TLN2: variants seen among roughly 807,000 people sequenced by gnomAD.
TLN2 encodes the protein talin-2.
A neutral mutation model predicts 294.7 loss-of-function variants in TLN2; 118 were observed. That is an observed-to-expected ratio of 0.40 (90% CI 0.34 to 0.47). TLN2 has a LOEUF of 0.47. Ranked by LOEUF, TLN2 falls within the 20% of genes least tolerant of loss-of-function variation. TLN2 has a pLI of 0.84. For missense variants in TLN2, 3,083 were observed against 3,282.2 expected (o/e 0.94, Z 1.48); for synonymous variants, 1,431 against 1,304.5 (o/e 1.10, Z -2.09).
chr15:62,540,356 CTTT>C (rs11071674), intron 1 of TLN2, among the ~76,000 whole-genome samples: 1 of 138,244 alleles, frequency 7.2e-6, no homozygotes, highest in Non-Finnish European at 1.5e-5. Flanking sequence ...AATAAATAAA[CTTT>C]TTTTTTTTTT....
chr15:62,463,113 T>G (rs1415225312), intron 1 of TLN2, among the ~76,000 whole-genome samples: 2 of 152,196 alleles, frequency 1.3e-5, no homozygotes, highest in Non-Finnish European at 2.9e-5. Flanking sequence ...TGGATGTTTT[T>G]CTAGTGTATA....
At chr15:62,748,708 A>G (rs2061752797) in intron 33 of TLN2, among the ~76,000 whole-genome samples, 1 of 152,166 alleles carries the variant, frequency 6.6e-6, no homozygotes, top group South Asian at 2.1e-4. Context: ...TATTTTGTTA[A>G]AGGATTCTTT....
chr15:62,636,248 TAATA>T (rs2050368453), intron 3 of TLN2, among the ~76,000 whole-genome samples: 1 of 84,726 alleles, frequency 1.2e-5, no homozygotes, highest in Non-Finnish European at 2.5e-5. Context: ...AGGGATACTG[TAATA>T]GATAGATAGA....
At chr15:62,678,247 A>T (rs1221122594) in intron 11 of TLN2, among the ~76,000 whole-genome samples, 1 of 152,194 alleles carries the variant, frequency 6.6e-6, no homozygotes, top group Non-Finnish European at 1.5e-5. Context: ...ATTGTTTTTA[A>T]TATAATTTAT....
intron 1 of TLN2, among the ~76,000 whole-genome samples, chr15:62,513,237 G>A (rs1166751477): frequency 6.6e-6 from 1 of 152,096 alleles, no homozygotes; most frequent in African/African-American, 2.4e-5. Flanking sequence ...TGCTTTGCAG[G>A]CCCTTTGCTG....
At chr15:62,790,401 G>A (rs938893705) in intron 45 of TLN2, among the ~76,000 whole-genome samples, 4 of 152,202 alleles carry the variant, frequency 2.6e-5, no homozygotes, top group East Asian at 3.8e-4. Flanking sequence ...CTGATCTACC[G>A]AGTAGAGCAC....
chr15:62,818,922 C>T (rs865884978), intron 52 of TLN2, among the ~76,000 whole-genome samples: 13 of 152,064 alleles, frequency 8.5e-5, no homozygotes, highest in African/African-American at 2.9e-4. Context: ...GTGATGCAAC[C>T]ACTGCTCACT....
chr15:62,501,663 G>T (rs2039315480), intron 1 of TLN2, among the ~76,000 whole-genome samples: 1 of 152,218 alleles, frequency 6.6e-6, no homozygotes, highest in Non-Finnish European at 1.5e-5. Flanking sequence ...CAATTAGAGG[G>T]ACCCATCCAC....
At chr15:62,687,718 A>C (rs2057404303) in intron 12 of TLN2, 1 of 152,204 alleles carries the variant, frequency 6.6e-6, no homozygotes, top group South Asian at 2.1e-4. Context: ...TCAGAAAAAA[A>C]ACTGTGTAAA....
chr15:62,792,619 C>T (rs1268737271), intron 45 of TLN2, 22 bp from the exon 46 acceptor site: 29 of 1,608,596 alleles, frequency 1.8e-5, no homozygotes, highest in South Asian at 3.3e-5. Context: ...TCTCCTTCCC[C>T]ATCCTGGGCT....
intron 2 of TLN2, among the ~76,000 whole-genome samples, chr15:62,595,682 T>C (rs979084053): frequency 2.0e-5 from 3 of 152,144 alleles, no homozygotes; most frequent in African/African-American, 4.8e-5. Context: ...ATTGGATGAA[T>C]AGATAAAGAA....
chr15:62,508,397 A>G (rs867903387), intron 1 of TLN2, among the ~76,000 whole-genome samples: 3 of 152,018 alleles, frequency 2.0e-5, no homozygotes, highest in East Asian at 3.9e-4. Flanking sequence ...TTGTATTTTT[A>G]GTAGAGACGG....
intron 1 of TLN2, among the ~76,000 whole-genome samples, chr15:62,521,516 T>G (rs1454752833): frequency 2.0e-5 from 3 of 152,098 alleles, no homozygotes; most frequent in African/African-American, 7.2e-5. Context: ...GATTTTCTAA[T>G]TGGCAGTTGG....
At chr15:62,512,878 G>A (rs530534090) in intron 1 of TLN2, among the ~76,000 whole-genome samples, 11 of 152,170 alleles carry the variant, frequency 7.2e-5, no homozygotes, top group Non-Finnish European at 1.2e-4. Flanking sequence ...AACAGTATCT[G>A]TTTCCCATTC....
At chr15:62,620,999 C>T (rs554045744) in intron 3 of TLN2, among the ~76,000 whole-genome samples, 3 of 151,760 alleles carry the variant, frequency 2.0e-5, no homozygotes, top group South Asian at 2.1e-4. Flanking sequence ...CCACCACGCC[C>T]GGCTAATTTT....
rs539781843 is a variant in TLN2, at chr15:62,683,735, G to T, written c.958-2906G>T. On this transcript the variant is annotated intron_variant, in intron 11 of 58. Transcript: ENST00000636159. ...TGTGTGTTGGTATATGAGATAGATGGGTCTTCACTGGTGCCTGCTTTAGCC... is the reference window on the plus strand; with the variant it reads ...TGTGTGTTGGTATATGAGATAGATGTGTCTTCACTGGTGCCTGCTTTAGCC... Among the ~76,000 whole-genome samples, 6 of 152,292 alleles carry T rather than the reference G, an allele frequency of 3.9e-5. No homozygotes were observed. The South Asian group carries it at 1.0e-3, about 26-fold the overall frequency.
intron 1 of TLN2, among the ~76,000 whole-genome samples, chr15:62,416,104 C>T (rs2034066764): frequency 6.6e-6 from 1 of 152,076 alleles, no homozygotes; most frequent in South Asian, 2.1e-4. Flanking sequence ...TCTGAGACCA[C>T]CCAGGGGAAC....
At chr15:62,484,640 T>A (rs1489641299) in intron 1 of TLN2, among the ~76,000 whole-genome samples, 1 of 152,124 alleles carries the variant, frequency 6.6e-6, no homozygotes, top group African/African-American at 2.4e-5. Context: ...TTGGCCAGGC[T>A]GATCTCGAAC....
intron 9 of TLN2, among the ~76,000 whole-genome samples, chr15:62,662,426 T>C (rs2140973032): frequency 6.6e-6 from 1 of 152,272 alleles, no homozygotes; most frequent in Non-Finnish European, 1.5e-5. Flanking sequence ...AGAACTGTAA[T>C]ACCAAAATGA....
Sources: allele counts gnomAD v4.1 joint callset (sites outside exome capture counted in the v4.1 genomes callset), GRCh38; gene constraint gnomAD v4.1.1; transcripts MANE v1.5; gene names NCBI Gene and HGNC (gene_info 2026-07-23, HGNC 2026-07-21).